ASH1L: variants seen among roughly 807,000 people sequenced by gnomAD.
The protein encoded by ASH1L is ASH1 like histone lysine methyltransferase.
ASH1L carries 23 observed loss-of-function variants against 269.0 expected under a neutral mutation model. That is an observed-to-expected ratio of 0.09 (90% confidence interval 0.06 to 0.12). ASH1L has a LOEUF of 0.12. ASH1L is among the 10% of genes least tolerant of loss of function. The probability of loss-of-function intolerance (pLI) is 1.00; values close to 1 mark genes in which losing one functional copy is unlikely to be tolerated. For missense variants in ASH1L, 2,912 were observed against 3,567.8 expected (o/e 0.82, Z 4.68); for synonymous variants, 1,187 against 1,253.5 (o/e 0.95, Z 1.12).
chr1:155,537,753 T>TA (rs201878978), intron 1 of ASH1L, among the ~76,000 whole-genome samples: 275 of 151,916 alleles, frequency 1.8e-3, no homozygotes, highest in African/African-American at 6.1e-3. Context: ...TTTTTTTTTT[T>TA]AAAAAAAGCT....
chr1:155,371,414 G>A (rs1327886770), intron 10 of ASH1L, among the ~76,000 whole-genome samples: 1 of 152,112 alleles, frequency 6.6e-6, no homozygotes, highest in African/African-American at 2.4e-5. Context: ...TGGGTGTGGT[G>A]GTGTGCACCT....
rs900434222 is a variant in ASH1L at position 155,428,864 on chromosome 1, G to T, written c.5828+9463C>A. On this transcript the variant is annotated intron_variant, in intron 5 of 27. Coordinates refer to ENST00000392403, the MANE Select transcript of ASH1L (RefSeq NM_018489.3). ...TGACTGGCTTGCTGTTAATAAATACGCGGGTAAATCTCTGTTCGGGGCTCT... is the reference window on the plus strand; with the variant it reads ...TGACTGGCTTGCTGTTAATAAATACTCGGGTAAATCTCTGTTCGGGGCTCT... Among the ~76,000 whole-genome samples, 5 of 152,148 alleles carry T rather than the reference G, an allele frequency of 3.3e-5. No individual in the cohort carries two copies. In the East Asian group the frequency reaches 9.6e-4, roughly 29 times the overall value.
At chr1:155,428,455 AT>A (rs1177945163) in intron 5 of ASH1L, among the ~76,000 whole-genome samples, 182 of 111,148 alleles carry the variant, frequency 1.6e-3, no homozygotes, top group African/African-American at 4.8e-3. Context: ...AAAAAAAAAT[AT>A]ATATATATAT....
chr1:155,509,969 T>G lies in ASH1L; in HGVS notation c.420+11131A>C, dbSNP rs1045675078. On this transcript the variant is annotated intron_variant, in intron 2 of 27. Transcript: ENST00000392403. ...CTGCAAAACAACATAAGGAAATCTT[T>G]TATAAACTTCGAAGGAAGAAGGTCT... 2.0e-5 allele frequency among the ~76,000 whole-genome samples: 3 copies of G among 152,294 alleles called. No homozygotes were observed. In the East Asian group the frequency reaches 5.8e-4, roughly 29 times the overall value.
rs185368092 is a variant in ASH1L, at chr1:155,372,815, A to G, written c.6333-1832T>C. 1.8e-4 allele frequency among the ~76,000 whole-genome samples: 27 copies of G among 152,238 alleles called. No individual in the cohort carries two copies. The East Asian group carries it at 3.9e-3, about 22-fold the overall frequency. ...AGAGTACAGTTCAGTGACATTAGGT[A>G]TATTTGCTGCTGTTGTATTACAGGA... On this transcript the variant is annotated intron_variant, in intron 10 of 27. Coordinates refer to ENST00000392403, the MANE Select transcript of ASH1L (RefSeq NM_018489.3).
chr1:155,509,569 C>T (rs1188021665), intron 2 of ASH1L, among the ~76,000 whole-genome samples: 1 of 152,154 alleles, frequency 6.6e-6, no homozygotes, highest in Non-Finnish European at 1.5e-5. Flanking sequence ...GAGGCCAAAG[C>T]AGGCCGATCA....
chr1:155,377,355 C>T (rs1267138984), intron 10 of ASH1L, among the ~76,000 whole-genome samples: 1 of 152,172 alleles, frequency 6.6e-6, no homozygotes, highest in Admixed American at 6.5e-5. Context: ...TTCCTCTTCA[C>T]TCTCACTGCC....
At chr1:155,527,170 T>C (rs1439872118) in intron 1 of ASH1L, among the ~76,000 whole-genome samples, 3 of 151,710 alleles carry the variant, frequency 2.0e-5, no homozygotes, top group Non-Finnish European at 4.4e-5. Flanking sequence ...ATGGTGCCAC[T>C]GCACTCCAGC....
chr1:155,428,389 C>A (rs555174359), intron 5 of ASH1L, among the ~76,000 whole-genome samples: 8 of 151,866 alleles, frequency 5.3e-5, no homozygotes, highest in Non-Finnish European at 1.2e-4. Context: ...TTGCAGTAAG[C>A]CGAGATTGTG....
intron 5 of ASH1L, among the ~76,000 whole-genome samples, chr1:155,428,060 C>T (rs1457364290): frequency 6.6e-6 from 1 of 152,202 alleles, no homozygotes; most frequent in African/African-American, 2.4e-5. Flanking sequence ...ACTATACAGC[C>T]TGCAGGACCA....
chr1:155,413,111 T>C (rs189828126), intron 6 of ASH1L, among the ~76,000 whole-genome samples: 4 of 152,260 alleles, frequency 2.6e-5, no homozygotes, highest in Non-Finnish European at 4.4e-5. Context: ...TCCAAAATTA[T>C]GACTGAATTA....
intron 10 of ASH1L, 54 bp downstream of exon 10, chr1:155,378,227 G>A: frequency 7.3e-7 from 1 of 1,379,084 alleles, no homozygotes; most frequent in East Asian, 2.3e-5. Context: ...CAAAGGAAGT[G>A]TTGTATGTAT....
At chr1:155,359,592 T>C (rs769664821) in intron 13 of ASH1L, among the ~76,000 whole-genome samples, 1 of 152,006 alleles carries the variant, frequency 6.6e-6, no homozygotes, top group Non-Finnish European at 1.5e-5. Context: ...TTTTTTGTGT[T>C]TGAGACAGGG....
At chr1:155,448,942 GTT>G (rs557498390) in intron 4 of ASH1L, among the ~76,000 whole-genome samples, 6 of 143,332 alleles carry the variant, frequency 4.2e-5, no homozygotes, top group Non-Finnish European at 9.1e-5. Flanking sequence ...GTGTGTGTGT[GTT>G]TTTTTTTTTA....
At chr1:155,552,448 A>G (rs1192365223) in intron 1 of ASH1L, among the ~76,000 whole-genome samples, 2 of 152,146 alleles carry the variant, frequency 1.3e-5, no homozygotes, top group African/African-American at 2.4e-5. Flanking sequence ...CCTAGCCGAC[A>G]AGAGTGAGAC....
chr1:155,511,817 CTTTT>C (rs905425252), intron 2 of ASH1L, among the ~76,000 whole-genome samples: 9 of 150,172 alleles, frequency 6.0e-5, no homozygotes, highest in Non-Finnish European at 1.2e-4. Context: ...TTGTTTCTTT[CTTTT>C]CTTTTTGAGA....
chr1:155,369,402 G>A (rs75140638), intron 12 of ASH1L, among the ~76,000 whole-genome samples: 14 of 151,440 alleles, frequency 9.2e-5, no homozygotes, highest in South Asian at 4.2e-4. Context: ...AGCTGAGATC[G>A]CGCCACTGCA....
At chr1:155,420,119 A>T (rs1407036609) in intron 5 of ASH1L, among the ~76,000 whole-genome samples, 1 of 152,150 alleles carries the variant, frequency 6.6e-6, no homozygotes, top group Non-Finnish European at 1.5e-5. Flanking sequence ...GGAGTTTGAG[A>T]CCAGCCTGGT....
Position 155,343,704 on chromosome 1 carries a change from G to A in ASH1L, c.8020C>T (p.Pro2674Ser), listed in dbSNP as rs776691150. The A allele has an allele frequency of 7.4e-6, 12 of 1,614,042 alleles. No individual in the cohort carries two copies. The highest frequency in any genetic ancestry group is 6.7e-5 in the African/African-American group (5 of 74,904). ...VYLMRDSRRTPDGHPVRQSYR... is the reference protein window; with the variant it reads ...VYLMRDSRRTSDGHPVRQSYR... ...GACTGACGGACCGGGTGGCCATCAG[G>A]GGTGCGCCGACTATCCCTCATCAGA... is the stretch of plus-strand genomic sequence containing the variant. The change falls in exon 23 of 28, where the codon CCT becomes TCT. Residue 2674 changes from proline (P) to serine (S), a missense_variant. Pro to Ser is a moderately conservative substitution (Grantham distance 74, BLOSUM62 -1). Coordinates refer to ENST00000392403, the MANE Select transcript of ASH1L (RefSeq NM_018489.3). This position sits in a 1 kb window ranked among gnomAD's most constrained non-coding sequence, Gnocchi z 6.1.
Sources: gnomAD v4.1 joint callset for allele counts (sites outside exome capture counted in the v4.1 genomes callset) on GRCh38, gnomAD v4.1.1 for gene constraint, Gnocchi (gnomAD v3.1) non-coding constraint, MANE v1.5 for transcripts, NCBI Gene and HGNC (gene_info 2026-07-23, HGNC 2026-07-21) for gene names.